The following PTPN11 variants were observed in gnomAD, a reference collection of about 807,000 sequenced individuals.
PTPN11 encodes protein tyrosine phosphatase non-receptor type 11.
Under a neutral mutation model 78.8 loss-of-function variants are expected in PTPN11, and 6 were observed. That is an observed-to-expected ratio of 0.08 (90% CI 0.04 to 0.15). PTPN11 has a LOEUF of 0.15. PTPN11 is among the 10% of genes least tolerant of loss of function. The pLI, the probability that PTPN11 is intolerant of heterozygous loss-of-function variation, is 1.00. For synonymous variants in PTPN11, 221 were observed against 263.5 expected (o/e 0.84, Z 1.56); for missense variants, 386 against 744.8 (o/e 0.52, Z 5.61).
intron 6 of PTPN11, among the ~76,000 whole-genome samples, chr12:112,466,521 T>A (rs1456795779): frequency 6.6e-6 from 1 of 152,068 alleles, no homozygotes; most frequent in Non-Finnish European, 1.5e-5. Context: ...CGGGCTAATT[T>A]TTGTATTTTT....
At position 112,504,681 on chromosome 12, in the gene PTPN11, T is replaced by C. The variant is rs1165359341; in HGVS notation, c.1713-14T>C. Reference sequence around the variant, plus strand: ...ACATTTTTGTAAATGTCTTTCTTTTTCTTTTCTCTCCAGAATGAGAGAAGA... The same window carrying C: ...ACATTTTTGTAAATGTCTTTCTTTTCCTTTTCTCTCCAGAATGAGAGAAGA... On this transcript the variant is annotated splice_polypyrimidine_tract_variant and intron_variant, in intron 14 of 15. Coordinates refer to ENST00000351677, the MANE Select transcript of PTPN11 (RefSeq NM_002834.5). This position sits in a 1 kb window ranked among gnomAD's most constrained non-coding sequence, Gnocchi z 4.7. 6.5e-7 allele frequency: 1 copy of C among 1,545,662 alleles called. No individual in the cohort carries two copies. Among genetic ancestry groups the C allele is most frequent in the Non-Finnish European group, 8.9e-7 (1 of 1,119,724 alleles).
intron 10 of PTPN11, among the ~76,000 whole-genome samples, chr12:112,483,286 C>T (rs2038625379): frequency 6.6e-6 from 1 of 151,560 alleles, no homozygotes; most frequent in African/African-American, 2.4e-5. Flanking sequence ...CTCCTAAGCT[C>T]AAGTGATCCT....
intron 1 of PTPN11, among the ~76,000 whole-genome samples, chr12:112,419,515 T>C (rs1253735136): frequency 6.6e-6 from 1 of 152,190 alleles, no homozygotes; most frequent in Non-Finnish European, 1.5e-5. Context: ...GGGAGGCTCC[T>C]TGGGACACGA....
chr12:112,427,478 G>A (rs1159904270), intron 1 of PTPN11, among the ~76,000 whole-genome samples: 3 of 151,772 alleles, frequency 2.0e-5, no homozygotes, highest in Admixed American at 6.6e-5. Context: ...CCCGGGAGGT[G>A]GAGGTTGCAG....
At chr12:112,473,677 T>C (rs2038454166) in intron 7 of PTPN11, among the ~76,000 whole-genome samples, 1 of 151,796 alleles carries the variant, frequency 6.6e-6, no homozygotes, top group Admixed American at 6.6e-5. Flanking sequence ...TGAAACCCCA[T>C]CTCTACTAAA....
chr12:112,495,071 G>A (rs1319183687), intron 13 of PTPN11, among the ~76,000 whole-genome samples: 1 of 152,050 alleles, frequency 6.6e-6, no homozygotes, highest in Non-Finnish European at 1.5e-5. Flanking sequence ...TAAAGTCGAG[G>A]AGCATTATAC....
intron 1 of PTPN11, among the ~76,000 whole-genome samples, chr12:112,430,622 G>C (rs2037698589): frequency 6.6e-6 from 1 of 150,850 alleles, no homozygotes; most frequent in African/African-American, 2.4e-5. Context: ...TTTTTTTCTA[G>C]AGATGAGGTC....
intron 1 of PTPN11, among the ~76,000 whole-genome samples, chr12:112,424,914 TGTGTGCTGGGACTGCAGGCACACACCACC>T: frequency 6.9e-6 from 1 of 144,506 alleles, no homozygotes; most frequent in African/African-American, 2.6e-5. Flanking sequence ...TGTGTGTGTG[TGTGTGCTGGGACTGCAGGCACACACCACC>T]ATGTCAGGCT....
chr12:112,446,293 T>C lies in PTPN11; in HGVS notation c.32T>C (p.Ile11Thr), dbSNP rs1181579972. The change falls in exon 2 of 16, where the codon ATC becomes ACC. Residue 11 changes from isoleucine to threonine, a missense_variant. This residue lies in a region of PTPN11 where 279 missense variants were observed against 503.3 expected (regional missense o/e 0.55). Transcript: ENST00000351677. ...TTTTTAAGATGGTTTCACCCAAATA[T>C]CACTGGTGTGGAGGCAGAAAACCTA... is the stretch of plus-strand genomic sequence containing the variant. MTSRRWFHPN[I>T]TGVEAENLLL... 1 of 1,614,114 alleles carries C rather than the reference T, an allele frequency of 6.2e-7. No homozygotes were observed. Among genetic ancestry groups the C allele is most frequent in the Non-Finnish European group, 8.5e-7 (1 of 1,179,966 alleles).
chr12:112,466,267 A>G (rs1487442792), intron 6 of PTPN11, among the ~76,000 whole-genome samples: 1 of 152,252 alleles, frequency 6.6e-6, no homozygotes, highest in Non-Finnish European at 1.5e-5. Context: ...GGAGCCAACC[A>G]TGCATATAAC....
At chr12:112,481,970 T>G in intron 9 of PTPN11, 104 bp from the exon 10 acceptor site, 22 of 1,223,788 alleles carry the variant, frequency 1.8e-5, no homozygotes, top group Non-Finnish European at 2.3e-5. Context: ...CCATTTTCCA[T>G]GTTGGTGGTT....
chr12:112,433,977 CA>C (rs2037751857), intron 1 of PTPN11, among the ~76,000 whole-genome samples: 1 of 151,882 alleles, frequency 6.6e-6, no homozygotes, highest in African/African-American at 2.4e-5. Context: ...AAAACAAAAA[CA>C]AAACCTCCTG....
rs940903692 is a variant in PTPN11 at position 112,423,649 on chromosome 12, G to A, written c.14+4524G>A. On this transcript the variant is annotated intron_variant, in intron 1 of 15. Transcript: ENST00000351677. The stretch of plus-strand genomic sequence containing the variant: ...AATGTATGTGTATATATGTATATTT[G>A]TATACTCATATAAACACAAATACAC... Among the ~76,000 whole-genome samples, 9 of 150,474 alleles carry A rather than the reference G, an allele frequency of 6.0e-5. No individual in the cohort carries two copies. In the South Asian group the frequency reaches 1.3e-3, roughly 21 times the overall value.
intron 1 of PTPN11, among the ~76,000 whole-genome samples, chr12:112,444,363 A>G (rs1217480056): frequency 1.3e-5 from 2 of 150,862 alleles, no homozygotes; most frequent in South Asian, 2.1e-4. Flanking sequence ...CTTTTTTGAG[A>G]CAAGGTCTCA....
chr12:112,483,125 CTG>C (rs775052440), intron 10 of PTPN11, among the ~76,000 whole-genome samples: 1 of 151,606 alleles, frequency 6.6e-6, no homozygotes, highest in Non-Finnish European at 1.5e-5. Context: ...TCATTATAAA[CTG>C]TAATCAGGGC....
chr12:112,467,550 A>G (rs1477340968), intron 6 of PTPN11, among the ~76,000 whole-genome samples: 1 of 152,124 alleles, frequency 6.6e-6, no homozygotes. Context: ...CCTGGAGTGC[A>G]GTGGCGTGAT....
At chr12:112,423,878 C>G (rs574823298) in intron 1 of PTPN11, among the ~76,000 whole-genome samples, 32 of 151,730 alleles carry the variant, frequency 2.1e-4, no homozygotes, top group African/African-American at 7.0e-4. Flanking sequence ...TCCTGAGTAG[C>G]TGGGACTGAC....
Position 112,465,578 on chromosome 12 carries a change from C to T in PTPN11, c.757-7366C>T, listed in dbSNP as rs139583456. Among the ~76,000 whole-genome samples the T allele has an allele frequency of 2.5e-3, 380 of 152,242 alleles. 1 individual carries two copies. The highest frequency in any genetic ancestry group is 4.3e-3 in the Non-Finnish European group (291 of 68,016). On this transcript the variant is annotated intron_variant, in intron 6 of 15. Transcript: ENST00000351677. Reference sequence around the variant, plus strand: ...CCCAGGTTGTGGATGGACTGTCTCTCGGGCTTTCTTCTTTCCATTCATCTT... The same window carrying T: ...CCCAGGTTGTGGATGGACTGTCTCTTGGGCTTTCTTCTTTCCATTCATCTT...
chr12:112,489,188 GGGCTGGCATGCGGATTCT>G lies in PTPN11; in HGVS notation c.1599+14_1599+31del. 1 of 1,614,054 alleles carries G rather than the reference GGGCTGGCATGCGGATTCT, an allele frequency of 6.2e-7. No individual in the cohort carries two copies. On this transcript the variant is annotated intron_variant, in intron 13 of 15. Transcript: ENST00000351677. Reference sequence around the variant, plus strand: ...TGAAGAAGAGCAGGTACCAGCCTGAGGGCTGGCATGCGGATTCTCATTCTCTTGCTAGGCCTCTTGGAT... The same window carrying G: ...TGAAGAAGAGCAGGTACCAGCCTGAGCATTCTCTTGCTAGGCCTCTTGGAT...
Sources: allele counts gnomAD v4.1 joint callset (sites outside exome capture counted in the v4.1 genomes callset), GRCh38; gene constraint gnomAD v4.1.1; regional missense constraint gnomAD v4.1.1; non-coding constraint Gnocchi (gnomAD v3.1); transcripts MANE v1.5; gene names NCBI Gene and HGNC (gene_info 2026-07-23, HGNC 2026-07-21).